TAFA2: variants seen among roughly 807,000 people sequenced by gnomAD.
TAFA2 encodes TAFA chemokine like family member 2.
TAFA2 carries 7 observed loss-of-function variants against 18.8 expected under a neutral mutation model. That is an observed-to-expected ratio of 0.37 (90% CI 0.21 to 0.70). The LOEUF is 0.70. TAFA2 is among the 30% of genes least tolerant of loss of function. The probability of loss-of-function intolerance (pLI) is 0.53; values close to 1 mark genes in which losing one functional copy is unlikely to be tolerated. For synonymous variants in TAFA2, 60 were observed against 54.2 expected (o/e 1.11, Z -0.47); for missense variants, 122 against 158.1 (o/e 0.77, Z 1.23).
chr12:62,179,886 G>A (rs2062540125), intron 1 of TAFA2, among the ~76,000 whole-genome samples: 1 of 152,122 alleles, frequency 6.6e-6, no homozygotes. Flanking sequence ...CTGACTGCCA[G>A]TTATTCAGTC....
intron 1 of TAFA2, among the ~76,000 whole-genome samples, chr12:62,147,468 C>T (rs184113081): frequency 4.7e-5 from 7 of 149,768 alleles, no homozygotes; most frequent in South Asian, 2.1e-4. Context: ...TGGTGGCTCA[C>T]GCCTGTAATC....
intron 1 of TAFA2, among the ~76,000 whole-genome samples, chr12:62,170,595 T>G (rs1406338070): frequency 1.3e-5 from 2 of 152,222 alleles, no homozygotes; most frequent in Non-Finnish European, 2.9e-5. Flanking sequence ...CATCTAGATC[T>G]ATTCACCTCA....
intron 1 of TAFA2, chr12:62,021,933 CA>C (rs1445575005): frequency 5.5e-6 from 4 of 725,560 alleles, no homozygotes; most frequent in Non-Finnish European, 1.0e-5. Flanking sequence ...TGAATTGCAA[CA>C]CACCATGGCA....
chr12:61,795,106 A>T (rs1871138229), intron 2 of TAFA2, among the ~76,000 whole-genome samples: 1 of 152,194 alleles, frequency 6.6e-6, no homozygotes, highest in Admixed American at 6.5e-5. Flanking sequence ...ATGTGGAGAA[A>T]TAGGAACACT....
Position 61,939,484 on chromosome 12 carries a change from G to A in TAFA2, c.-1-72058C>T, listed in dbSNP as rs566500647. Among the ~76,000 whole-genome samples the A allele has an allele frequency of 2.1e-4, 32 of 152,132 alleles. No homozygotes were observed. The South Asian group carries it at 6.4e-3, about 31-fold the overall frequency. On this transcript the variant is annotated intron_variant, in intron 1 of 4. Coordinates refer to ENST00000416284, the MANE Select transcript of TAFA2 (RefSeq NM_178539.5). ...GGAATTAGTCAAACTTTCTAATAAA[G>A]TTATTCAACATTAAAAATAAAAATA...
chr12:62,231,159 T>C (rs537892992), intron 1 of TAFA2, among the ~76,000 whole-genome samples: 2 of 152,352 alleles, frequency 1.3e-5, no homozygotes, highest in East Asian at 3.9e-4. Flanking sequence ...ACTATTACTG[T>C]ATTGCAGTCC....
At chr12:62,051,389 T>G (rs1233109127) in intron 1 of TAFA2, among the ~76,000 whole-genome samples, 1 of 152,140 alleles carries the variant, frequency 6.6e-6, no homozygotes, top group Non-Finnish European at 1.5e-5. Context: ...TCATGCTCTA[T>G]GGTAGGTACT....
chr12:61,749,885 A>G (rs1030089415), intron 4 of TAFA2, among the ~76,000 whole-genome samples: 1 of 151,970 alleles, frequency 6.6e-6, no homozygotes, highest in African/African-American at 2.4e-5. Context: ...TGCACTGACC[A>G]CTGTATTTTG....
At chr12:62,025,118 C>T (rs1881270335) in intron 1 of TAFA2, among the ~76,000 whole-genome samples, 1 of 151,982 alleles carries the variant, frequency 6.6e-6, no homozygotes, top group Non-Finnish European at 1.5e-5. Flanking sequence ...TCTCTGTATC[C>T]AAAAGAAAAT....
chr12:62,113,126 C>T (rs769941827), intron 1 of TAFA2, among the ~76,000 whole-genome samples: 1 of 152,104 alleles, frequency 6.6e-6, no homozygotes, highest in East Asian at 1.9e-4. Context: ...AATTTATATA[C>T]CTTTGTTCTT....
intron 2 of TAFA2, among the ~76,000 whole-genome samples, chr12:61,831,895 G>A (rs1401355237): frequency 6.6e-6 from 1 of 151,554 alleles, no homozygotes; most frequent in Admixed American, 6.6e-5. Context: ...GATCCCCTTT[G>A]GAAATGAGCG....
chr12:61,760,350 T>C (rs1592370952), intron 2 of TAFA2, among the ~76,000 whole-genome samples: 1 of 87,038 alleles, frequency 1.1e-5, no homozygotes, highest in African/African-American at 4.5e-5. Flanking sequence ...TTGGCATTGG[T>C]AGGAAAAATA....
intron 1 of TAFA2, among the ~76,000 whole-genome samples, chr12:61,941,522 T>C (rs576230801): frequency 1.3e-5 from 2 of 152,216 alleles, no homozygotes; most frequent in African/African-American, 4.8e-5. Flanking sequence ...GGGTGATTTC[T>C]GCATTTCCAT....
chr12:62,154,305 G>A (rs867305698), intron 1 of TAFA2, among the ~76,000 whole-genome samples: 1 of 152,106 alleles, frequency 6.6e-6, no homozygotes, highest in Non-Finnish European at 1.5e-5. Flanking sequence ...GAAGGATGGG[G>A]GAAGCAGGAG....
chr12:61,841,990 G>C (rs150179291), intron 2 of TAFA2, among the ~76,000 whole-genome samples: 2 of 152,090 alleles, frequency 1.3e-5, no homozygotes, highest in African/African-American at 4.8e-5. Flanking sequence ...CATGATTGGA[G>C]TTCCTTGCCA....
chr12:61,969,934 G>A (rs1291480932), intron 1 of TAFA2, among the ~76,000 whole-genome samples: 2 of 151,500 alleles, frequency 1.3e-5, no homozygotes, highest in African/African-American at 2.4e-5. Context: ...TAAAGCAAAC[G>A]GCAAGTGAAG....
At chr12:61,955,647 A>ATG (rs1878663098) in intron 1 of TAFA2, among the ~76,000 whole-genome samples, 2 of 70,708 alleles carry the variant, frequency 2.8e-5, no homozygotes, top group African/African-American at 4.1e-5. Context: ...ATATATATAT[A>ATG]TATATATATA....
At chr12:61,918,848 T>C (rs1000844686) in intron 1 of TAFA2, among the ~76,000 whole-genome samples, 1 of 152,148 alleles carries the variant, frequency 6.6e-6, no homozygotes, top group Admixed American at 6.5e-5. Context: ...GGGCAACAGG[T>C]AATTCTGAGG....
intron 1 of TAFA2, among the ~76,000 whole-genome samples, chr12:62,230,230 T>C (rs2062806542): frequency 6.6e-6 from 1 of 152,266 alleles, no homozygotes; most frequent in East Asian, 1.9e-4. Context: ...ATCTTTGTTA[T>C]TTCTTTCATT....
Sources: allele counts gnomAD v4.1 joint callset (sites outside exome capture counted in the v4.1 genomes callset), GRCh38; gene constraint gnomAD v4.1.1; transcripts MANE v1.5; gene names NCBI Gene and HGNC (gene_info 2026-07-23, HGNC 2026-07-21).